The following MAML2 variants were observed in gnomAD, a reference collection of about 807,000 sequenced individuals.
MAML2 encodes mastermind-like protein 2.
A neutral mutation model predicts 96.1 loss-of-function variants in MAML2; 22 were observed. The observed-to-expected ratio is 0.23, with a 90% confidence interval of 0.16 to 0.33. The LOEUF is 0.33. MAML2 is among the 10% of genes least tolerant of loss of function. MAML2 has a pLI of 1.00. For missense variants in MAML2, 1,367 were observed against 1,392.4 expected (o/e 0.98, Z 0.29); for synonymous variants, 561 against 521.3 (o/e 1.08, Z -1.04).
intron 2 of MAML2, among the ~76,000 whole-genome samples, chr11:96,006,839 C>T (rs1002071109): frequency 1.3e-5 from 2 of 149,574 alleles, no homozygotes; most frequent in South Asian, 4.3e-4. Flanking sequence ...AGATTACAGG[C>T]GTGAGCCACC....
chr11:96,328,306 A>G (rs1194286328), intron 1 of MAML2, among the ~76,000 whole-genome samples: 1 of 152,164 alleles, frequency 6.6e-6, no homozygotes, highest in Non-Finnish European at 1.5e-5. Flanking sequence ...AATTCCAGCA[A>G]ATCTTAACAG....
intron 1 of MAML2, among the ~76,000 whole-genome samples, chr11:96,241,124 G>A (rs555346386): frequency 3.9e-5 from 6 of 152,196 alleles, no homozygotes; most frequent in Non-Finnish European, 7.4e-5. Context: ...GTGAGGTAGA[G>A]TTTTTATTAT....
At chr11:96,021,994 C>G (rs1054615718) in intron 2 of MAML2, among the ~76,000 whole-genome samples, 1 of 152,110 alleles carries the variant, frequency 6.6e-6, no homozygotes, top group African/African-American at 2.4e-5. Flanking sequence ...GAACCTGGTT[C>G]AGGTTGAAGG....
At chr11:95,990,669 C>CTGAATAAT (rs1857894874) in intron 3 of MAML2, among the ~76,000 whole-genome samples, 1 of 152,084 alleles carries the variant, frequency 6.6e-6, no homozygotes, top group African/African-American at 2.4e-5. Flanking sequence ...TTATTATTTA[C>CTGAATAAT]TGAATAATTA....
intron 2 of MAML2, among the ~76,000 whole-genome samples, chr11:96,008,342 TG>T (rs2135725327): frequency 6.6e-6 from 1 of 152,328 alleles, no homozygotes; most frequent in African/African-American, 2.4e-5. Context: ...TGTTCCTCAC[TG>T]CTGATCAGGA....
intron 1 of MAML2, among the ~76,000 whole-genome samples, chr11:96,320,809 G>T (rs1863689553): frequency 6.6e-6 from 1 of 152,096 alleles, no homozygotes; most frequent in African/African-American, 2.4e-5. Flanking sequence ...GAAATGGAGA[G>T]AAATGGAAAA....
At chr11:96,194,722 T>A (rs1483688629) in intron 1 of MAML2, among the ~76,000 whole-genome samples, 1 of 152,140 alleles carries the variant, frequency 6.6e-6, no homozygotes, top group African/African-American at 2.4e-5. Context: ...GGAAAAATGT[T>A]GCTATAGGGC....
chr11:96,164,492 G>A (rs779078934), intron 1 of MAML2, among the ~76,000 whole-genome samples: 8 of 152,092 alleles, frequency 5.3e-5, no homozygotes, highest in Non-Finnish European at 1.2e-4. Flanking sequence ...TTCCATCCCA[G>A]TATTTTACCA....
intron 1 of MAML2, among the ~76,000 whole-genome samples, chr11:96,162,639 AGGT>A (rs1861128292): frequency 6.7e-6 from 1 of 148,454 alleles, no homozygotes; most frequent in Non-Finnish European, 1.5e-5. Flanking sequence ...TGAACCCGAG[AGGT>A]GGAGGTTTCG....
intron 1 of MAML2, among the ~76,000 whole-genome samples, chr11:96,095,168 T>C (rs1396410013): frequency 6.6e-6 from 1 of 152,040 alleles, no homozygotes; most frequent in African/African-American, 2.4e-5. Context: ...CTCTAATTAG[T>C]TTGTTCAGGG....
intron 1 of MAML2, among the ~76,000 whole-genome samples, chr11:96,255,365 G>A (rs1287330625): frequency 6.6e-6 from 1 of 152,168 alleles, no homozygotes; most frequent in Admixed American, 6.5e-5. Flanking sequence ...ACCTTTTCAG[G>A]TGTTATCCCC....
rs147993954 is a variant in MAML2, at chr11:96,145,249, G to A, written c.514-51732C>T. Among the ~76,000 whole-genome samples, 26 of 152,250 alleles carry A rather than the reference G, an allele frequency of 1.7e-4. No homozygotes were observed. In the East Asian group the frequency reaches 4.8e-3, roughly 28 times the overall value. ...CCTTGCTTCCTGTTTTCCCTTTGGA[G>A]ACCTTGAGGAAGACCATGAGCCGCC... On this transcript the variant is annotated intron_variant, in intron 1 of 4. Transcript: ENST00000524717.
intron 2 of MAML2, among the ~76,000 whole-genome samples, chr11:96,087,540 T>A (rs868658047): frequency 2.0e-5 from 3 of 152,230 alleles, no homozygotes; most frequent in South Asian, 4.1e-4. Flanking sequence ...CTTGCAGTGA[T>A]CACCTACCAT....
chr11:96,150,865 A>T (rs1860908666), intron 1 of MAML2, among the ~76,000 whole-genome samples: 1 of 152,080 alleles, frequency 6.6e-6, no homozygotes, highest in African/African-American at 2.4e-5. Flanking sequence ...ATTTTTCTGA[A>T]GTCTCCCTGC....
chr11:95,991,483 A>G, intron 3 of MAML2, 37 bp downstream of exon 3: 2 of 1,592,502 alleles, frequency 1.3e-6, no homozygotes, highest in South Asian at 1.1e-5. Flanking sequence ...TGTTGGGTCA[A>G]CAGGTTTGTT....
chr11:96,174,856 C>T (rs183086811), intron 1 of MAML2, among the ~76,000 whole-genome samples: 108 of 152,380 alleles, frequency 7.1e-4, no homozygotes, highest in Non-Finnish European at 1.1e-3. Flanking sequence ...TCTCTTGCCA[C>T]TATTTCCCTC....
chr11:96,293,530 AC>A (rs1197798282), intron 1 of MAML2, among the ~76,000 whole-genome samples: 1 of 152,208 alleles, frequency 6.6e-6, no homozygotes, highest in Non-Finnish European at 1.5e-5. Context: ...AATACCAAAT[AC>A]TTTACTAAAA....
In MAML2 at chr11:96,341,922, C is replaced by G. The variant is rs1487100588; in HGVS notation, c.-27G>C. The G allele has an allele frequency of 6.7e-7, 1 of 1,487,660 alleles. No homozygotes were observed. Among genetic ancestry groups the G allele is most frequent in the East Asian group, 2.5e-5 (1 of 40,556 alleles). The allele number at this position is 1,487,660 out of a possible 1,614,324, so 92.2% of individuals were successfully genotyped here. A position where few individuals can be genotyped will look rare whatever the true frequency, so the allele number is the denominator to read the frequency against. On this transcript the variant is annotated 5_prime_UTR_variant, in exon 1 of 5. Transcript: ENST00000524717. ...TTACCGGACACAATGATTGCTGCCT[C>G]TGGGATGGTGAGGTGGAAAGAGGCT...
intron 3 of MAML2, among the ~76,000 whole-genome samples, chr11:95,990,634 T>C (rs1286063989): frequency 2.6e-5 from 4 of 152,192 alleles, no homozygotes; most frequent in Admixed American, 2.0e-4. Flanking sequence ...ATTTGCCTTG[T>C]TTATGGCTCT....
Sources: gnomAD v4.1 joint callset for allele counts (sites outside exome capture counted in the v4.1 genomes callset) on GRCh38, gnomAD v4.1.1 for gene constraint, MANE v1.5 for transcripts, NCBI Gene and HGNC (gene_info 2026-07-23, HGNC 2026-07-21) for gene names.